PKHD1L1: variants seen among roughly 807,000 people sequenced by gnomAD.
PKHD1L1 encodes fibrocystin-L.
A neutral mutation model predicts 462.9 loss-of-function variants in PKHD1L1; 434 were observed. The observed-to-expected ratio is 0.94, with a 90% CI of 0.87 to 1.02. PKHD1L1 has a LOEUF of 1.02. Ranked by LOEUF, PKHD1L1 falls within the 50% of genes least tolerant of loss-of-function variation. The pLI is 0.00. For missense variants in PKHD1L1, 5,202 were observed against 5,096.1 expected (o/e 1.02, Z -0.63); for synonymous variants, 1,781 against 1,750.0 (o/e 1.02, Z -0.44).
intron 13 of PKHD1L1, 55 bp from the exon 14 acceptor site, chr8:109,401,441 GA>G (rs1813269155): frequency 4.5e-6 from 4 of 890,832 alleles, no homozygotes; most frequent in African/African-American, 3.4e-5. Context: ...AATAAATGTT[GA>G]AAAGGTCTAT....
At chr8:109,432,891 C>CA (rs1815191570) in intron 27 of PKHD1L1, among the ~76,000 whole-genome samples, 1 of 151,936 alleles carries the variant, frequency 6.6e-6, no homozygotes, top group Non-Finnish European at 1.5e-5. Context: ...CACACAGATT[C>CA]AAAATATGAA....
In PKHD1L1 at chr8:109,427,050, G is replaced by T; in HGVS notation, c.2894G>T (p.Ser965Ile). The change falls in exon 25 of 78, where the codon AGT becomes ATT. Residue 965 changes from serine (S) to isoleucine (I), a missense_variant. By Grantham distance (142) the Ser-to-Ile change is moderately radical. Coordinates refer to ENST00000378402, the MANE Select transcript of PKHD1L1 (RefSeq NM_177531.6). ...GCAGATCTGCAGTTTGCACTCCAGA[G>T]TCTGGAGGGAATGGGAAGAATCTCA... ...SAADLQFALQSLEGMGRISVT... is the reference protein window; with the variant it reads ...SAADLQFALQILEGMGRISVT... 1.9e-6 allele frequency: 3 copies of T among 1,612,914 alleles called. No individual in the cohort carries two copies. The highest frequency in any genetic ancestry group is 2.5e-6 in the Non-Finnish European group (3 of 1,178,914).
At position 109,419,216 on chromosome 8, in the gene PKHD1L1, ATGTAGTGTACAT is replaced by A. The variant is rs1814339759; in HGVS notation, c.2483_2494del (p.Val828_Ile831del). ...TCAGAATCACAGTCCTTCTATGTGGATGTAGTGTACATTGGACACACATCTACAATCTCAACA... is the reference window on the plus strand; with the variant it reads ...TCAGAATCACAGTCCTTCTATGTGGATGGACACACATCTACAATCTCAACA... On this transcript the variant is annotated inframe_deletion, in exon 22 of 78. Transcript: ENST00000378402. The A allele has an allele frequency of 1.2e-6, 2 of 1,612,310 alleles. No individual in the cohort carries two copies. Among genetic ancestry groups the A allele is most frequent in the African/African-American group, 2.7e-5 (2 of 74,924 alleles).
Position 109,445,115 on chromosome 8 carries a change from C to T in PKHD1L1, c.5246C>T (p.Pro1749Leu), listed in dbSNP as rs1176832570. 1.2e-6 allele frequency: 2 copies of T among 1,613,846 alleles called. No individual in the cohort carries two copies. The highest frequency in any genetic ancestry group is 8.5e-7 in the Non-Finnish European group (1 of 1,179,908). ...CTFSYLESITPYITGVFPNSV... is the reference protein window; with the variant it reads ...CTFSYLESITLYITGVFPNSV... ...TTTTCATACTTAGAAAGCATCACTC[C>T]TTACATAACAGGAGTCTTCCCAAAC... Residue 1749 changes from proline to leucine, a missense_variant, in exon 38 of 78, where the codon CCT (proline) becomes CTT (leucine). By Grantham distance (98) the Pro-to-Leu change is moderately conservative. Transcript: ENST00000378402.
rs532566318 is a variant in PKHD1L1 at position 109,369,037 on chromosome 8, T to C, written c.163+4401T>C. Among the ~76,000 whole-genome samples the C allele has an allele frequency of 6.5e-4, 99 of 152,116 alleles. 1 individual carries two copies. In the South Asian group the frequency reaches 0.02, roughly 31 times the overall value. On this transcript the variant is annotated intron_variant, in intron 2 of 77. Transcript: ENST00000378402. ...TCTTGTTGCCCAGGCTGGAGGGCAA[T>C]GGCACGATCTCGACTCACTGCAACC...
At position 109,440,851 on chromosome 8, in the gene PKHD1L1, AG is replaced by A. The variant is rs1815743803; in HGVS notation, c.4099+1del. 1 of 1,611,762 alleles carries A rather than the reference AG, an allele frequency of 6.2e-7. No homozygotes were observed. The highest frequency in any genetic ancestry group is 1.1e-5 in the South Asian group (1 of 90,704). ...TACCAGCTGAGAATACCGTGCTGTTAGGTAAGAGCTTCATTCATAGGAAAGT... is the reference window on the plus strand; with the variant it reads ...TACCAGCTGAGAATACCGTGCTGTTAGTAAGAGCTTCATTCATAGGAAAGT... ...TIPAENTVLL[G>X]SIPCNVTSSS... On this transcript the variant is annotated frameshift_variant and splice_region_variant, in exon 33 of 78. Transcript: ENST00000378402. LOFTEE classifies it high-confidence loss of function.
At chr8:109,495,193 A>T (rs529942030) in intron 63 of PKHD1L1, among the ~76,000 whole-genome samples, 65 of 152,060 alleles carry the variant, frequency 4.3e-4, no homozygotes, top group Non-Finnish European at 7.4e-4. Context: ...CAACATATTT[A>T]AGTGATTCCT....
At position 109,406,225 on chromosome 8, in the gene PKHD1L1, A is replaced by G. The variant is rs1020503787; in HGVS notation, c.1670-110A>G. Reference sequence around the variant, plus strand: ...CTAAGTGATAACTTACATGGTACAGAGTATAGGTGCTTTAAAAATATAAAT... The same window carrying G: ...CTAAGTGATAACTTACATGGTACAGGGTATAGGTGCTTTAAAAATATAAAT... On this transcript the variant is annotated intron_variant, in intron 16 of 77. Transcript: ENST00000378402. 40 of 1,040,348 alleles carry G rather than the reference A, an allele frequency of 3.8e-5. 1 individual carries two copies. In the South Asian group the frequency reaches 6.8e-4, roughly 18 times the overall value. The allele number at this position is 1,040,348 out of a possible 1,614,324, so 64.4% of individuals were successfully genotyped here. A position where few individuals can be genotyped will look rare whatever the true frequency, so the allele number is the denominator to read the frequency against.
chr8:109,424,669 A>T (rs1286468624), intron 23 of PKHD1L1, among the ~76,000 whole-genome samples: 1 of 152,186 alleles, frequency 6.6e-6, no homozygotes, highest in East Asian at 1.9e-4. Flanking sequence ...ATTGTTGGTT[A>T]ACTTTTCAAG....
rs933049127 is a variant in PKHD1L1, at chr8:109,457,403, T to A, written c.7004+1012T>A. On this transcript the variant is annotated intron_variant, in intron 46 of 77. Coordinates refer to ENST00000378402, the MANE Select transcript of PKHD1L1 (RefSeq NM_177531.6). ...TACTAACAGCATAGAAAATCTTCATTTATGGCTTTTTGTATGAAATGAAAG... is the reference window on the plus strand; with the variant it reads ...TACTAACAGCATAGAAAATCTTCATATATGGCTTTTTGTATGAAATGAAAG... 3.9e-5 allele frequency among the ~76,000 whole-genome samples: 6 copies of A among 152,262 alleles called. No individual in the cohort carries two copies. In the East Asian group the frequency reaches 1.2e-3, roughly 29 times the overall value.
At position 109,465,047 on chromosome 8, in the gene PKHD1L1, T is replaced by A. The variant is rs1817360788; in HGVS notation, c.8215T>A (p.Ser2739Thr). 2.5e-6 allele frequency: 4 copies of A among 1,613,728 alleles called. No homozygotes were observed. ...VLPFSEGLTVSSVHFMNFDRP... is the reference protein window; with the variant it reads ...VLPFSEGLTVTSVHFMNFDRP... ...CCCATTTAGTGAAGGCTTGACTGTC[T>A]CTTCTGTGCACTTTATGAACTTTGA... The change falls in exon 49 of 78, where the codon TCT becomes ACT. Residue 2739 changes from serine (S) to threonine (T), a missense_variant. Coordinates refer to ENST00000378402, the MANE Select transcript of PKHD1L1 (RefSeq NM_177531.6).
chr8:109,485,124 T>G lies in PKHD1L1; in HGVS notation c.9657T>G (p.His3219Gln), dbSNP rs775922369. ...TETRSIVKILHDHKILILNDS... is the reference protein window; with the variant it reads ...TETRSIVKILQDHKILILNDS... ...CAAGAAGTATCGTTAAAATCCTGCA[T>G]GATCATAAAATTCTCATTCTTAATG... Residue 3219 changes from histidine to glutamine, a missense_variant, in exon 58 of 78, where the codon CAT becomes CAG. This residue lies in a region of PKHD1L1 where 4,497 missense variants were observed against 4,336.8 expected (regional missense o/e 1.04). Coordinates refer to ENST00000378402, the MANE Select transcript of PKHD1L1 (RefSeq NM_177531.6). The G allele has an allele frequency of 6.3e-7, 1 of 1,599,366 alleles. No individual in the cohort carries two copies. Among genetic ancestry groups the G allele is most frequent in the Admixed American group, 1.7e-5 (1 of 58,598 alleles).
At chr8:109,447,434 C>A (rs914261006) in intron 38 of PKHD1L1, among the ~76,000 whole-genome samples, 1 of 152,130 alleles carries the variant, frequency 6.6e-6, no homozygotes, top group Admixed American at 6.5e-5. Flanking sequence ...GACGAATTTT[C>A]ATTTAAAATT....
chr8:109,427,922 C>A (rs184399901), intron 25 of PKHD1L1, among the ~76,000 whole-genome samples: 1 of 147,600 alleles, frequency 6.8e-6, no homozygotes, highest in African/African-American at 2.5e-5. Flanking sequence ...GAGGCTGAGG[C>A]AGGAGAATCG....
chr8:109,370,394 G>A (rs764729570), intron 2 of PKHD1L1, among the ~76,000 whole-genome samples: 2 of 152,044 alleles, frequency 1.3e-5, no homozygotes, highest in Admixed American at 6.5e-5. Flanking sequence ...GATTGCAGGC[G>A]TGAGCCACCG....
At position 109,449,012 on chromosome 8, in the gene PKHD1L1, C is replaced by A. The variant is rs892265761; in HGVS notation, c.6026-326C>A. Among the ~76,000 whole-genome samples the A allele has an allele frequency of 1.3e-4, 20 of 151,876 alleles. No homozygotes were observed. The South Asian group carries it at 1.5e-3, about 11-fold the overall frequency. On this transcript the variant is annotated intron_variant, in intron 39 of 77. Transcript: ENST00000378402. ...AAACCTTGAGAAAGTATAAATAAAC[C>A]AATCTACTTAAAATAGTAATTGCAT...
At chr8:109,377,156 G>C (rs372121986) in intron 2 of PKHD1L1, among the ~76,000 whole-genome samples, 1 of 152,178 alleles carries the variant, frequency 6.6e-6, no homozygotes, top group African/African-American at 2.4e-5. Context: ...TATTATTTAA[G>C]GTGAGCACAT....
chr8:109,479,467 G>A, intron 53 of PKHD1L1, 84 bp from the exon 54 acceptor site: 1 of 919,450 alleles, frequency 1.1e-6, no homozygotes, highest in South Asian at 1.6e-5. Flanking sequence ...AATCTTATGG[G>A]GAAATGGAAC....
chr8:109,454,970 C>T (rs898963543), intron 45 of PKHD1L1, 118 bp downstream of exon 45: 5 of 1,303,216 alleles, frequency 3.8e-6, no homozygotes, highest in Non-Finnish European at 5.1e-6. Context: ...TGTTAGGCTT[C>T]TCATGTCTTT....
Sources: allele counts gnomAD v4.1 joint callset (sites outside exome capture counted in the v4.1 genomes callset), GRCh38; gene constraint gnomAD v4.1.1; regional missense constraint gnomAD v4.1.1; transcripts MANE v1.5; gene names NCBI Gene and HGNC (gene_info 2026-07-23, HGNC 2026-07-21).